Variants in PTPRZ1 observed in about 807,000 individuals in gnomAD.
The protein encoded by PTPRZ1 is protein tyrosine phosphatase receptor type Z1, also known as receptor-type tyrosine-protein phosphatase zeta.
Under a neutral mutation model 214.1 loss-of-function variants are expected in PTPRZ1, and 82 were observed. The observed-to-expected ratio is 0.38, with a 90% confidence interval of 0.32 to 0.46. The LOEUF (loss-of-function observed/expected upper bound fraction) is 0.46, where lower values mean the gene tolerates loss of function less well. Ranked by LOEUF, PTPRZ1 falls within the 20% of genes least tolerant of loss-of-function variation. PTPRZ1 has a pLI of 1.00. For synonymous variants in PTPRZ1, 945 were observed against 987.9 expected (o/e 0.96, Z 0.81); for missense variants, 2,603 against 2,748.7 (o/e 0.95, Z 1.19).
intron 1 of PTPRZ1, chr7:121,908,777 G>A: frequency 2.0e-6 from 1 of 495,248 alleles, no homozygotes; most frequent in South Asian, 1.5e-5. Flanking sequence ...TTTATTAATA[G>A]TGCTACTCAT....
At position 121,943,250 on chromosome 7, in the gene PTPRZ1, A is replaced by G. The variant is rs563067832; in HGVS notation, c.124+15029A>G. 2.6e-5 allele frequency among the ~76,000 whole-genome samples: 4 copies of G among 152,348 alleles called. No homozygotes were observed. The East Asian group carries it at 7.7e-4, about 29-fold the overall frequency. On this transcript the variant is annotated intron_variant, in intron 2 of 29. Coordinates refer to ENST00000393386, the MANE Select transcript of PTPRZ1 (RefSeq NM_002851.3). Reference sequence around the variant, plus strand: ...TTATTTGGAATATTCTTAAACTTTTACAGTATGTTCTTTTTTTGACAGTGA... The same window carrying G: ...TTATTTGGAATATTCTTAAACTTTTGCAGTATGTTCTTTTTTTGACAGTGA...
At chr7:121,968,549 A>G (rs1797113677) in intron 3 of PTPRZ1, among the ~76,000 whole-genome samples, 1 of 152,062 alleles carries the variant, frequency 6.6e-6, no homozygotes, top group Non-Finnish European at 1.5e-5. Context: ...TAAGAAAATA[A>G]ATTCCTAGCT....
At chr7:122,014,552 C>T (rs1430395647) in intron 12 of PTPRZ1, among the ~76,000 whole-genome samples, 1 of 152,146 alleles carries the variant, frequency 6.6e-6, no homozygotes, top group Non-Finnish European at 1.5e-5. Context: ...CATTCTCCTG[C>T]CTCAGCCTCC....
intron 2 of PTPRZ1, among the ~76,000 whole-genome samples, chr7:121,941,449 G>A (rs1447347858): frequency 6.6e-6 from 1 of 152,196 alleles, no homozygotes; most frequent in Non-Finnish European, 1.5e-5. Flanking sequence ...AAAGCCTTGT[G>A]TATGGTCTTC....
chr7:122,009,744 T>C (rs1798592403), intron 11 of PTPRZ1, among the ~76,000 whole-genome samples: 1 of 152,028 alleles, frequency 6.6e-6, no homozygotes, highest in Admixed American at 6.6e-5. Flanking sequence ...TATTGACAAG[T>C]TGCCTTTGAA....
intron 11 of PTPRZ1, among the ~76,000 whole-genome samples, chr7:122,005,040 T>C (rs1798443043): frequency 6.6e-6 from 1 of 152,008 alleles, no homozygotes; most frequent in African/African-American, 2.4e-5. Flanking sequence ...AGTTTATATA[T>C]AAATAACCAA....
intron 1 of PTPRZ1, among the ~76,000 whole-genome samples, chr7:121,916,821 G>T (rs965861129): frequency 1.3e-5 from 2 of 152,212 alleles, no homozygotes; most frequent in African/African-American, 2.4e-5. Context: ...TAAGCATGTT[G>T]TGATTGGTGG....
At chr7:121,881,938 C>T (rs1794253014) in intron 1 of PTPRZ1, among the ~76,000 whole-genome samples, 1 of 152,124 alleles carries the variant, frequency 6.6e-6, no homozygotes, top group Non-Finnish European at 1.5e-5. Flanking sequence ...TTTGTTAGAA[C>T]TTGGCTTTTT....
intron 2 of PTPRZ1, among the ~76,000 whole-genome samples, chr7:121,952,857 C>T (rs967384262): frequency 6.6e-6 from 1 of 151,998 alleles, no homozygotes; most frequent in Non-Finnish European, 1.5e-5. Flanking sequence ...TTATAAATTG[C>T]CATGTACCAG....
rs530096580 is a variant in PTPRZ1 at position 121,901,482 on chromosome 7, A to G, written c.59-26674A>G. 9.9e-4 allele frequency among the ~76,000 whole-genome samples: 151 copies of G among 152,314 alleles called. 1 individual carries two copies. The South Asian group carries it at 0.025, about 25-fold the overall frequency. ...ACTATTACACAATTACAGAGTTACC[A>G]AAAATGTCTTCACTGTTAGTATATT... On this transcript the variant is annotated intron_variant, in intron 1 of 29. Transcript: ENST00000393386.
intron 1 of PTPRZ1, among the ~76,000 whole-genome samples, chr7:121,899,126 A>C (rs1794887327): frequency 6.6e-6 from 1 of 152,176 alleles, no homozygotes; most frequent in South Asian, 2.1e-4. Context: ...TGTAGTTTCA[A>C]AAGCCCTTCA....
intron 17 of PTPRZ1, among the ~76,000 whole-genome samples, chr7:122,035,604 C>G (rs761663214): frequency 2.1e-4 from 32 of 152,180 alleles, no homozygotes; most frequent in Non-Finnish European, 1.9e-4. Context: ...AATTCTAAAA[C>G]TATTAAAACC....
chr7:121,873,245 C>A lies in PTPRZ1; in HGVS notation c.-255C>A, dbSNP rs1341143811. On this transcript the variant is annotated 5_prime_UTR_variant, in exon 1 of 30. Transcript: ENST00000393386. Reference sequence around the variant, plus strand: ...CCTCGGCTAGCGGCCCCGGGCCCCACCACCGTGCGGCTTTCTCCAGATTAT... The same window carrying A: ...CCTCGGCTAGCGGCCCCGGGCCCCAACACCGTGCGGCTTTCTCCAGATTAT... 2.3e-6 allele frequency: 1 copy of A among 442,880 alleles called. No individual in the cohort carries two copies. Among genetic ancestry groups the A allele is most frequent in the East Asian group, 3.4e-5 (1 of 29,426 alleles). The allele number at this position is 442,880 out of a possible 1,614,324, so 27.4% of individuals were successfully genotyped here.
intron 12 of PTPRZ1, among the ~76,000 whole-genome samples, chr7:122,017,190 G>A (rs1292920584): frequency 6.6e-6 from 1 of 152,086 alleles, no homozygotes; most frequent in Non-Finnish European, 1.5e-5. Flanking sequence ...AAAAAACTGT[G>A]AAGACAACCA....
chr7:121,895,804 T>C (rs1163892067), intron 1 of PTPRZ1, among the ~76,000 whole-genome samples: 12 of 152,290 alleles, frequency 7.9e-5, no homozygotes. Flanking sequence ...CCTTCAGATA[T>C]TAGGCAGTTC....
intron 2 of PTPRZ1, among the ~76,000 whole-genome samples, chr7:121,947,755 A>AT (rs201857000): frequency 4.3e-4 from 65 of 149,966 alleles, no homozygotes; most frequent in Middle Eastern, 3.4e-3. Flanking sequence ...CTATTTGAAG[A>AT]TTTTTTTTTT....
intron 2 of PTPRZ1, among the ~76,000 whole-genome samples, chr7:121,954,570 A>G (rs1307776934): frequency 6.6e-6 from 1 of 152,170 alleles, no homozygotes; most frequent in Non-Finnish European, 1.5e-5. Flanking sequence ...TGTCCCTGGA[A>G]TACCCTATGC....
intron 2 of PTPRZ1, among the ~76,000 whole-genome samples, chr7:121,954,309 G>T (rs1212956269): frequency 6.6e-6 from 1 of 152,060 alleles, no homozygotes; most frequent in Admixed American, 6.6e-5. Flanking sequence ...GGCATGCAAA[G>T]CCCCCAAATT....
chr7:122,026,621 G>A (rs1304032272), intron 13 of PTPRZ1, among the ~76,000 whole-genome samples: 1 of 152,106 alleles, frequency 6.6e-6, no homozygotes, highest in East Asian at 1.9e-4. Context: ...TATTAACCTA[G>A]TTAGGAGGGT....
Sources: gnomAD v4.1 joint callset for allele counts (sites outside exome capture counted in the v4.1 genomes callset) on GRCh38, gnomAD v4.1.1 for gene constraint, MANE v1.5 for transcripts, NCBI Gene and HGNC (gene_info 2026-07-23, HGNC 2026-07-21) for gene names.